PSMB1: variants seen among roughly 807,000 people sequenced by gnomAD.
PSMB1 encodes the protein proteasome subunit beta type-1.
In PSMB1, 7 loss-of-function variants were observed where a neutral mutation model predicts 25.4. The ratio of observed to expected loss-of-function variants is 0.28; its 90% CI spans 0.16 to 0.52. The LOEUF (loss-of-function observed/expected upper bound fraction) is 0.52, where lower values mean the gene tolerates loss of function less well. PSMB1 is among the 20% of genes least tolerant of loss of function. The pLI is 0.97. For synonymous variants in PSMB1, 119 were observed against 115.0 expected (o/e 1.03, Z -0.22); for missense variants, 284 against 302.2 (o/e 0.94, Z 0.45).
chr6:170,547,625 G>C (rs141043163), intron 2 of PSMB1, among the ~76,000 whole-genome samples: 1 of 152,242 alleles, frequency 6.6e-6, no homozygotes, highest in Non-Finnish European at 1.5e-5. Context: ...AGGCTTTACT[G>C]CCTTTACTGA....
intron 5 of PSMB1, among the ~76,000 whole-genome samples, chr6:170,535,615 C>A (rs1308445254): frequency 6.6e-6 from 1 of 152,166 alleles, no homozygotes; most frequent in East Asian, 1.9e-4. Flanking sequence ...GGCAAAGCTC[C>A]CACTCTTGAG....
chr6:170,551,328 A>C (rs1440946581), intron 1 of PSMB1, among the ~76,000 whole-genome samples: 1 of 152,190 alleles, frequency 6.6e-6, no homozygotes, highest in Non-Finnish European at 1.5e-5. Flanking sequence ...TCCTCCCAGC[A>C]ATGAGACATG....
At chr6:170,537,161 T>C (rs1339489494) in intron 5 of PSMB1, 73 bp downstream of exon 5, 1 of 1,167,304 alleles carries the variant, frequency 8.6e-7, no homozygotes, top group East Asian at 2.4e-5. Flanking sequence ...GAGGAGAACT[T>C]GGAGGAAGGC....
At chr6:170,548,345 C>T (rs918237285) in intron 2 of PSMB1, among the ~76,000 whole-genome samples, 6 of 152,264 alleles carry the variant, frequency 3.9e-5, no homozygotes, top group Admixed American at 2.6e-4. Flanking sequence ...TAAATACAGA[C>T]CACTGCCAAT....
rs1778817067 is a variant in PSMB1, at chr6:170,546,242, T to C, written c.222-58A>G. ...GTTAGATAGTAGAGCAAAACATATC[T>C]TCGGCAATTTTAAATTTAAAATTCT... On this transcript the variant is annotated intron_variant, in intron 2 of 5. Transcript: ENST00000262193. 3 of 1,364,686 alleles carry C rather than the reference T, an allele frequency of 2.2e-6. No homozygotes were observed. The East Asian group carries it at 7.1e-5, about 32-fold the overall frequency. The allele number at this position is 1,364,686 out of a possible 1,614,324, so 84.5% of individuals were successfully genotyped here.
chr6:170,542,013 C>T (rs186314559), intron 4 of PSMB1, among the ~76,000 whole-genome samples: 2 of 152,300 alleles, frequency 1.3e-5, no homozygotes, highest in East Asian at 3.9e-4. Context: ...ACACCAGAAG[C>T]ATCCAGCTTG....
chr6:170,552,930 T>G (rs957176593), intron 1 of PSMB1, among the ~76,000 whole-genome samples, 200 bp downstream of exon 1: 4 of 152,194 alleles, frequency 2.6e-5, no homozygotes, highest in African/African-American at 9.7e-5. Context: ...CCAAGTAAAC[T>G]TGAGCAAAGC....
intron 4 of PSMB1, among the ~76,000 whole-genome samples, chr6:170,539,657 G>C (rs538324203): frequency 6.6e-6 from 1 of 152,078 alleles, no homozygotes; most frequent in Non-Finnish European, 1.5e-5. Flanking sequence ...GGGTACTGGC[G>C]TATCCTTCAG....
At chr6:170,546,747 G>A (rs1778824898) in intron 2 of PSMB1, among the ~76,000 whole-genome samples, 1 of 152,136 alleles carries the variant, frequency 6.6e-6, no homozygotes, top group Non-Finnish European at 1.5e-5. Flanking sequence ...TTACAGGTGT[G>A]AACCACTGCA....
intron 4 of PSMB1, among the ~76,000 whole-genome samples, chr6:170,543,389 A>G: frequency 6.6e-6 from 1 of 152,208 alleles, no homozygotes; most frequent in Middle Eastern, 3.2e-3. Flanking sequence ...AAATAGCAAA[A>G]TAACTGGCTG....
At chr6:170,551,667 T>A (rs865885143) in intron 1 of PSMB1, among the ~76,000 whole-genome samples, 1 of 152,138 alleles carries the variant, frequency 6.6e-6, no homozygotes, top group Non-Finnish European at 1.5e-5. Flanking sequence ...ACTTAATTAG[T>A]CATCACAGGA....
Position 170,535,409 on chromosome 6 carries a change from G to GT in PSMB1, c.541-5dup. On this transcript the variant is annotated splice_region_variant and splice_polypyrimidine_tract_variant and intron_variant, in intron 5 of 5. Coordinates refer to ENST00000262193, the MANE Select transcript of PSMB1 (RefSeq NM_002793.4). Reference sequence around the variant, plus strand: ...TCTGCATGTTCTTAAAACCAACCTGGTGGGACATGAAACTTGGGTGAGATG... The same window carrying GT: ...TCTGCATGTTCTTAAAACCAACCTGGTTGGGACATGAAACTTGGGTGAGATG... The GT allele has an allele frequency of 6.2e-7, 1 of 1,610,370 alleles. No homozygotes were observed. Among genetic ancestry groups the GT allele is most frequent in the Non-Finnish European group, 8.5e-7 (1 of 1,177,954 alleles).
intron 1 of PSMB1, 97 bp from the exon 2 acceptor site, chr6:170,549,210 A>G: frequency 1.7e-6 from 1 of 577,826 alleles, no homozygotes; most frequent in Non-Finnish European, 3.0e-6. Flanking sequence ...AAAATACTCT[A>G]GATGTCAACA....
Position 170,553,189 on chromosome 6 carries a change from T to G in PSMB1, c.54A>C (p.Glu18Asp), listed in dbSNP as rs756529459. The G allele has an allele frequency of 1.2e-6, 2 of 1,613,894 alleles. No individual in the cohort carries two copies. The highest frequency in any genetic ancestry group is 1.7e-6 in the Non-Finnish European group (2 of 1,179,938). The change falls in exon 1 of 6, where the codon GAA (glutamate) becomes GAC (aspartate). Residue 18 changes from glutamate (E) to aspartate (D), a missense_variant. Physicochemically the swap from Glu to Asp is conservative, Grantham distance 45. Coordinates refer to ENST00000262193, the MANE Select transcript of PSMB1 (RefSeq NM_002793.4). ...GCAAAGGGCCCGCGGCTCTGTGCGG[T>G]TCCATCCCCAAGTCTCTGCCAGGAG... ...YSAPGRDLGM[E>D]PHRAAGPLQL... is the part of the protein sequence containing the mutation.
chr6:170,539,871 T>C (rs1293501807), intron 4 of PSMB1, among the ~76,000 whole-genome samples: 4 of 152,142 alleles, frequency 2.6e-5, no homozygotes, highest in African/African-American at 9.7e-5. Context: ...TGCTATGTAT[T>C]ACAGCAGCAA....
At chr6:170,545,144 CAAAA>C (rs373077081) in intron 3 of PSMB1, among the ~76,000 whole-genome samples, 1 of 128,298 alleles carries the variant, frequency 7.8e-6, no homozygotes, top group African/African-American at 2.8e-5. Context: ...AACTCTGTCT[CAAAA>C]AAAAAAAAAA....
chr6:170,546,124 C>G lies in PSMB1; in HGVS notation c.282G>C (p.Lys94Asn). The change falls in exon 3 of 6, where the codon AAG (lysine) becomes AAC (asparagine). Residue 94 changes from lysine to asparagine, a missense_variant. Lys to Asn is a moderately conservative substitution (Grantham distance 94). Transcript: ENST00000262193. Reference sequence around the variant, plus strand: ...CTACCTTTAGTCTTGCTTCAATAATCTTTGTCAGCGTAAGACAGTCTCCAT... The same window carrying G: ...CTACCTTTAGTCTTGCTTCAATAATGTTTGTCAGCGTAAGACAGTCTCCAT... ...GFHGDCLTLT[K>N]IIEARLKMYK... 2 of 1,613,726 alleles carry G rather than the reference C, an allele frequency of 1.2e-6. No homozygotes were observed. Among genetic ancestry groups the G allele is most frequent in the Non-Finnish European group, 1.7e-6 (2 of 1,179,784 alleles).
intron 5 of PSMB1, among the ~76,000 whole-genome samples, chr6:170,536,664 T>C (rs976757950): frequency 1.3e-5 from 2 of 152,110 alleles, no homozygotes; most frequent in African/African-American, 2.4e-5. Flanking sequence ...CTGTAGTTTA[T>C]TTATCATAAG....
intron 2 of PSMB1, 56 bp from the exon 3 acceptor site, chr6:170,546,240 T>A: frequency 2.2e-6 from 3 of 1,382,550 alleles, no homozygotes; most frequent in Admixed American, 3.7e-5. Context: ...GCAAAACATA[T>A]CTTCGGCAAT....
Sources: allele counts gnomAD v4.1 joint callset (sites outside exome capture counted in the v4.1 genomes callset), GRCh38; gene constraint gnomAD v4.1.1; transcripts MANE v1.5; gene names NCBI Gene and HGNC (gene_info 2026-07-23, HGNC 2026-07-21).